The following SCFD2 variants were observed in gnomAD, a reference collection of about 807,000 sequenced individuals.
SCFD2 encodes the protein sec1 family domain containing 2.
In SCFD2, 54 loss-of-function variants were observed where a neutral mutation model predicts 58.9. That is an observed-to-expected ratio of 0.92 (90% CI 0.74 to 1.15). The LOEUF (loss-of-function observed/expected upper bound fraction) is 1.15. SCFD2 is among the 50% of genes most tolerant of loss of function. The pLI, the probability that SCFD2 is intolerant of heterozygous loss-of-function variation, is 0.00. For missense variants in SCFD2, 805 were observed against 836.6 expected, an observed-to-expected ratio of 0.96 and a Z score of 0.47; for synonymous variants, 321 against 335.9, an observed-to-expected ratio of 0.96 and a Z score of 0.49.
chr4:53,147,160 A>T (rs1266267040), intron 4 of SCFD2, among the ~76,000 whole-genome samples: 4 of 152,204 alleles, frequency 2.6e-5, no homozygotes, highest in Non-Finnish European at 4.4e-5. Context: ...CTCTAAAAAA[A>T]TTTTTTTTAA....
intron 4 of SCFD2, among the ~76,000 whole-genome samples, chr4:53,224,596 T>C (rs1194445183): frequency 2.0e-5 from 3 of 152,304 alleles, no homozygotes; most frequent in Middle Eastern, 3.4e-3. Context: ...ATCATCTCTC[T>C]ACAAGCTGAA....
intron 5 of SCFD2, among the ~76,000 whole-genome samples, chr4:53,049,457 G>A (rs10517278): frequency 0.8 from 122,152 of 152,162 alleles, 50,466 homozygotes; most frequent in Non-Finnish European, 0.9. Context: ...AACTTATTTA[G>A]TCGTCACAAC....
At chr4:53,126,406 C>T (rs1725630484) in intron 5 of SCFD2, among the ~76,000 whole-genome samples, 2 of 152,208 alleles carry the variant, frequency 1.3e-5, no homozygotes, top group Admixed American at 6.5e-5. Context: ...AACTCCGCCT[C>T]CTGGATTCAA....
intron 5 of SCFD2, among the ~76,000 whole-genome samples, chr4:53,070,328 C>T (rs2148848591): frequency 6.6e-6 from 1 of 151,926 alleles, no homozygotes; most frequent in Middle Eastern, 3.4e-3. Context: ...GATGATTGTA[C>T]AAAGCAAAAG....
rs189766673 is a variant in SCFD2 at position 53,322,510 on chromosome 4, T to C, written c.1008-8747A>G. On this transcript the variant is annotated intron_variant, in intron 2 of 8. Transcript: ENST00000401642. ...TAAAATAGAGAGTATTTGAGTTTCA[T>C]CTCAGTATAAACATTTTTTATTCCT... Among the ~76,000 whole-genome samples, 354 of 152,308 alleles carry C rather than the reference T, an allele frequency of 2.3e-3. 3 individuals carry two copies. The highest frequency in any genetic ancestry group is 2.9e-3 in the Non-Finnish European group (197 of 68,022).
At chr4:53,202,411 C>A (rs1451643973) in intron 4 of SCFD2, among the ~76,000 whole-genome samples, 3 of 151,290 alleles carry the variant, frequency 2.0e-5, no homozygotes, top group African/African-American at 7.3e-5. Flanking sequence ...CAGTACCATG[C>A]TGTTTTGTTT....
At chr4:53,160,246 C>T (rs1349587361) in intron 4 of SCFD2, among the ~76,000 whole-genome samples, 3 of 152,180 alleles carry the variant, frequency 2.0e-5, no homozygotes, top group Admixed American at 6.5e-5. Flanking sequence ...GTTCTGAGCA[C>T]AGAACTGGTA....
chr4:53,348,515 G>C (rs918199739), intron 2 of SCFD2, among the ~76,000 whole-genome samples: 3 of 151,954 alleles, frequency 2.0e-5, no homozygotes, highest in Non-Finnish European at 4.4e-5. Flanking sequence ...AATTCCCTCA[G>C]TCTTCCAAGC....
intron 4 of SCFD2, among the ~76,000 whole-genome samples, chr4:53,183,036 A>T (rs1048448543): frequency 6.6e-5 from 10 of 152,258 alleles, no homozygotes; most frequent in African/African-American, 2.4e-4. Context: ...AAATAGGAAC[A>T]CTTTTACACT....
chr4:53,145,654 A>C (rs1319852144), intron 4 of SCFD2, 72 bp from the exon 5 acceptor site: 29 of 1,366,416 alleles, frequency 2.1e-5, no homozygotes, highest in Middle Eastern at 3.8e-4. Context: ...CATTAGTCGA[A>C]TGATAGCTTT....
At chr4:53,274,045 G>A in intron 3 of SCFD2, 44 bp from the exon 4 acceptor site, 1 of 1,500,738 alleles carries the variant, frequency 6.7e-7, no homozygotes, top group Non-Finnish European at 9.0e-7. Context: ...TCTGGGAATA[G>A]TACAAATAAT....
intron 5 of SCFD2, among the ~76,000 whole-genome samples, chr4:53,027,852 A>G (rs1322272208): frequency 2.0e-5 from 3 of 152,126 alleles, no homozygotes; most frequent in African/African-American, 4.8e-5. Flanking sequence ...AAGAAAAACA[A>G]TAAAGAAAGA....
chr4:53,292,184 A>C (rs1395832637), intron 3 of SCFD2, among the ~76,000 whole-genome samples: 6 of 152,162 alleles, frequency 3.9e-5, no homozygotes. Flanking sequence ...TTGCAACAAA[A>C]GCAAAAATAG....
chr4:53,105,159 T>C (rs970469623), intron 5 of SCFD2, among the ~76,000 whole-genome samples: 1 of 151,980 alleles, frequency 6.6e-6, no homozygotes, highest in Non-Finnish European at 1.5e-5. Context: ...CCGGCCCAGA[T>C]ACTATGCTTT....
intron 5 of SCFD2, among the ~76,000 whole-genome samples, chr4:53,096,377 CT>C (rs1417543309): frequency 6.6e-6 from 1 of 152,188 alleles, no homozygotes; most frequent in Non-Finnish European, 1.5e-5. Context: ...TCTCCAGCAC[CT>C]GTTGTTTCCT....
intron 4 of SCFD2, among the ~76,000 whole-genome samples, chr4:53,203,377 G>C (rs146342692): frequency 7.2e-5 from 11 of 151,902 alleles, no homozygotes; most frequent in African/African-American, 2.4e-4. Flanking sequence ...GCTTGTATTT[G>C]ATTCTAGTTA....
At chr4:53,042,810 A>C (rs1577680355) in intron 5 of SCFD2, among the ~76,000 whole-genome samples, 1 of 152,154 alleles carries the variant, frequency 6.6e-6, no homozygotes, top group Middle Eastern at 3.4e-3. Context: ...GGAGCTGACC[A>C]CCTTTCTTGG....
chr4:52,987,167 T>C (rs1721514664), intron 5 of SCFD2, among the ~76,000 whole-genome samples: 2 of 152,150 alleles, frequency 1.3e-5, no homozygotes, highest in African/African-American at 4.8e-5. Context: ...CAGCTGGGAC[T>C]ACAGGTGCCG....
intron 4 of SCFD2, among the ~76,000 whole-genome samples, chr4:53,255,397 G>A (rs984174870): frequency 2.0e-5 from 3 of 151,984 alleles, no homozygotes; most frequent in Admixed American, 1.3e-4. Flanking sequence ...ACTTAAGATT[G>A]GGGAGTGGTG....
Sources: allele counts gnomAD v4.1 joint callset (sites outside exome capture counted in the v4.1 genomes callset), GRCh38; gene constraint gnomAD v4.1.1; transcripts MANE v1.5; gene names NCBI Gene and HGNC (gene_info 2026-07-23, HGNC 2026-07-21).